TENM1: variants seen among roughly 807,000 people sequenced by gnomAD.
The protein encoded by TENM1 is teneurin transmembrane protein 1, also known as teneurin-1.
In TENM1, 35 loss-of-function variants were observed where a neutral mutation model predicts 174.8. The observed-to-expected ratio is 0.20, with a 90% CI of 0.15 to 0.27. TENM1 has a LOEUF of 0.27. Ranked by LOEUF, TENM1 falls within the 10% of genes least tolerant of loss-of-function variation. TENM1 has a pLI of 1.00. For missense variants in TENM1, 1,633 were observed against 2,130.1 expected (o/e 0.77, Z 4.59); for synonymous variants, 781 against 798.7 (o/e 0.98, Z 0.37).
intron 4 of TENM1, among the ~76,000 whole-genome samples, chrX:124,707,331 CTTTTT>C (rs2052933535): frequency 1.8e-5 from 2 of 111,534 alleles, no homozygotes; most frequent in African/African-American, 6.5e-5. Context: ...TTTTTCTTTT[CTTTTT>C]TATCTTTAAT....
the TENM1 span, among the ~76,000 whole-genome samples, chrX:125,109,904 G>A: frequency 6.3e-5 from 7 of 111,626 alleles, no homozygotes; most frequent in Admixed American, 6.7e-4. Flanking sequence ...AATAGGTGAT[G>A]GGGATCCATT....
chrX:124,592,435 T>C (rs1376888005), intron 11 of TENM1, among the ~76,000 whole-genome samples: 14 of 55,565 alleles, frequency 2.5e-4, no homozygotes, highest in African/African-American at 1.3e-3. Flanking sequence ...ATATTATTGG[T>C]TTTTTTTTTT....
rs1282347138 is a variant in TENM1 at position 124,382,325 on chromosome X, T to G, written c.7440+345A>C. Among the ~76,000 whole-genome samples, 16 of 111,804 alleles carry G rather than the reference T, an allele frequency of 1.4e-4. No individual in the cohort carries two copies. The Admixed American group carries it at 1.5e-3, about 11-fold the overall frequency. On this transcript the variant is annotated intron_variant, in intron 31 of 31. Transcript: ENST00000422452. ...CTAAATTATTTTACAGTTGGAAATC[T>G]GATGTTTTCGTGTCTCTTACCGAAC...
intron 22 of TENM1, among the ~76,000 whole-genome samples, chrX:124,471,795 T>C (rs1303980646): frequency 1.0e-5 from 1 of 97,514 alleles, no homozygotes; most frequent in Non-Finnish European, 2.0e-5. Context: ...ATATATAATA[T>C]ATAATATATA....
chrX:124,788,997 A>G (rs1247851355), intron 3 of TENM1, among the ~76,000 whole-genome samples: 1 of 112,220 alleles, frequency 8.9e-6, no homozygotes, highest in Non-Finnish European at 1.9e-5. Flanking sequence ...CCTCTCCCCT[A>G]TAGCAAGCTT....
chrX:124,804,768 A>C (rs938036729), intron 3 of TENM1, among the ~76,000 whole-genome samples: 2 of 111,874 alleles, frequency 1.8e-5, no homozygotes, highest in African/African-American at 6.5e-5. Context: ...AAAGTTTGAC[A>C]CTGCTATTCT....
intron 14 of TENM1, among the ~76,000 whole-genome samples, chrX:124,549,579 C>A (rs2048512457): frequency 9.0e-6 from 1 of 111,307 alleles, no homozygotes; most frequent in Non-Finnish European, 1.9e-5. Flanking sequence ...ATAATTGGGA[C>A]TCACATTCTC....
intron 11 of TENM1, among the ~76,000 whole-genome samples, chrX:124,617,674 A>G (rs754378523): frequency 1.9e-4 from 21 of 111,982 alleles, no homozygotes; most frequent in Non-Finnish European, 3.6e-4. Flanking sequence ...CTGCTGCCCT[A>G]TGATTTTTAC....
At chrX:124,589,167 T>C (rs1314921077) in intron 11 of TENM1, among the ~76,000 whole-genome samples, 2 of 109,145 alleles carry the variant, frequency 1.8e-5, no homozygotes, top group Non-Finnish European at 3.8e-5. Context: ...GAGATGGTCA[T>C]ATGACTTTTG....
intron 5 of TENM1, among the ~76,000 whole-genome samples, chrX:124,677,598 T>C (rs1163386383): frequency 8.9e-6 from 1 of 111,884 alleles, no homozygotes; most frequent in African/African-American, 3.2e-5. Context: ...CGCCATTGCA[T>C]TGTTAATATA....
chrX:124,586,640 C>T (rs2049523840), intron 11 of TENM1, among the ~76,000 whole-genome samples: 1 of 107,942 alleles, frequency 9.3e-6, no homozygotes, highest in Admixed American at 9.8e-5. Flanking sequence ...GAGAGGGATG[C>T]CCTCTCTCAC....
At chrX:125,122,434 G>T in the TENM1 span, among the ~76,000 whole-genome samples, 1 of 111,407 alleles carries the variant, frequency 9.0e-6, no homozygotes, top group South Asian at 3.8e-4. Context: ...GATCAATATT[G>T]GGGAAGCTAT....
At chrX:124,804,177 A>T (rs1169113048) in intron 3 of TENM1, among the ~76,000 whole-genome samples, 1 of 112,323 alleles carries the variant, frequency 8.9e-6, no homozygotes, top group African/African-American at 3.2e-5. Context: ...CCTGCCTGCC[A>T]GGAATAACAC....
intron 3 of TENM1, among the ~76,000 whole-genome samples, chrX:124,848,479 T>C (rs763034062): frequency 6.0e-4 from 67 of 111,431 alleles, no homozygotes; most frequent in Middle Eastern, 4.6e-3. Flanking sequence ...TAAACACTGT[T>C]GCTAGGATTG....
exon 25 of TENM1, chrX:124,420,474 G>A: frequency 8.2e-7 from 1 of 1,212,138 alleles, no homozygotes; most frequent in South Asian, 1.8e-5. Context: ...GGCACCACAA[G>A]CCATAGCGGC....
chrX:124,815,438 G>C (rs995595491), intron 3 of TENM1, among the ~76,000 whole-genome samples: 1 of 111,187 alleles, frequency 9.0e-6, no homozygotes, highest in Admixed American at 9.6e-5. Context: ...GCTAAAACTA[G>C]GGAGTTTTTT....
the TENM1 span, among the ~76,000 whole-genome samples, chrX:125,175,349 T>A: frequency 9.0e-6 from 1 of 111,292 alleles, no homozygotes; most frequent in Admixed American, 9.6e-5. Flanking sequence ...AACTGGAAAT[T>A]TAATATGAGA....
At chrX:124,596,786 A>C (rs1339092306) in intron 11 of TENM1, among the ~76,000 whole-genome samples, 1 of 111,492 alleles carries the variant, frequency 9.0e-6, no homozygotes, top group Non-Finnish European at 1.9e-5. Flanking sequence ...TTATAGTAGC[A>C]ATTGAAAAAC....
At chrX:124,683,469 C>T (rs2052285179) in intron 5 of TENM1, among the ~76,000 whole-genome samples, 1 of 111,863 alleles carries the variant, frequency 8.9e-6, no homozygotes, top group Admixed American at 9.5e-5. Context: ...GGGAAAAATT[C>T]CACTATTTGT....
Sources: allele counts gnomAD v4.1 joint callset (sites outside exome capture counted in the v4.1 genomes callset), GRCh38; gene constraint gnomAD v4.1.1; transcripts MANE v1.5; gene names NCBI Gene and HGNC (gene_info 2026-07-23, HGNC 2026-07-21).